Variants in IL18RAP observed in about 807,000 individuals in gnomAD.
IL18RAP encodes the protein interleukin 18 receptor accessory protein.
In IL18RAP, 37 loss-of-function variants were observed where a neutral mutation model predicts 58.1. That is an observed-to-expected ratio of 0.64 (90% CI 0.49 to 0.84). The LOEUF is 0.84. Ranked by LOEUF, IL18RAP falls within the 40% of genes least tolerant of loss-of-function variation. IL18RAP has a pLI of 0.00. For missense variants in IL18RAP, 667 were observed against 704.8 expected (o/e 0.95, Z 0.61); for synonymous variants, 268 against 257.5 (o/e 1.04, Z -0.39).
chr2:102,430,311 C>T (rs1398984297), intron 3 of IL18RAP, among the ~76,000 whole-genome samples: 1 of 151,908 alleles, frequency 6.6e-6, no homozygotes, highest in Non-Finnish European at 1.5e-5. Context: ...ATACAATGAT[C>T]TTTCTTGTTT....
intron 6 of IL18RAP, among the ~76,000 whole-genome samples, chr2:102,444,931 A>C (rs768982401): frequency 1.6e-4 from 25 of 152,178 alleles, no homozygotes; most frequent in Non-Finnish European, 1.6e-4. Context: ...ATCTATTCTC[A>C]AGGGGAATTC....
rs780192225 is a variant in IL18RAP, at chr2:102,424,252, T to C, written c.417T>C (p.Cys139=). 8 of 1,614,132 alleles carry C rather than the reference T, an allele frequency of 5.0e-6. No individual in the cohort carries two copies. Among genetic ancestry groups the C allele is most frequent in the Admixed American group, 1.7e-5 (1 of 60,016 alleles). ...KMIKSPYDVA[C]CVKMILEVKP... is the part of the protein sequence containing the mutation. ...CTAGGAGCCCCTATGATGTAGCCTG[T>C]TGTGTCAAGATGATTTTAGAAGTTA... Residue 139 remains cysteine (C), a synonymous_variant, in exon 3 of 10, where the codon TGT becomes TGC. Coordinates refer to ENST00000687160, the MANE Select transcript of IL18RAP (RefSeq NM_001393487.1).
chr2:102,445,279 C>A lies in IL18RAP; in HGVS notation c.1011C>A (p.Cys337Ter), dbSNP rs1683346342. The A allele has an allele frequency of 1.2e-6, 2 of 1,614,154 alleles. No individual in the cohort carries two copies. The highest frequency in any genetic ancestry group is 1.7e-6 in the Non-Finnish European group (2 of 1,180,012). The stretch of plus-strand genomic sequence containing the variant: ...GTGATCTTCGCAGGAAGTTTGTTTG[C>A]TTTGTCCAGAACTCCATTGGAAACA... ...TQRDLRRKFV[C>*]FVQNSIGNTT... The change falls in exon 7 of 10, where the codon TGC becomes TGA. Residue 337 changes from cysteine to a stop codon, truncating the protein, a stop_gained. Coordinates refer to ENST00000687160, the MANE Select transcript of IL18RAP (RefSeq NM_001393487.1). LOFTEE classifies it high-confidence loss of function.
upstream of IL18RAP, among the ~76,000 whole-genome samples, chr2:102,422,206 C>T (rs1444963418): frequency 1.3e-5 from 2 of 152,200 alleles, no homozygotes; most frequent in Non-Finnish European, 2.9e-5. Flanking sequence ...CTTTTCAGTC[C>T]TTCTCATGCC....
At chr2:102,419,469 G>A (rs1255038365), upstream of IL18RAP, 3 of 152,310 alleles carry the variant, frequency 2.0e-5, no homozygotes, top group Non-Finnish European at 4.4e-5. Context: ...TCAGATCCCT[G>A]TTGACACTGC....
intron 3 of IL18RAP, among the ~76,000 whole-genome samples, chr2:102,427,240 C>T (rs1043491819): frequency 2.0e-5 from 3 of 152,106 alleles, no homozygotes; most frequent in African/African-American, 7.2e-5. Context: ...CTTTGCCATA[C>T]TGATTTCAAT....
chr2:102,448,177 G>A (rs1350188362), intron 8 of IL18RAP, among the ~76,000 whole-genome samples: 1 of 152,242 alleles, frequency 6.6e-6, no homozygotes, highest in Admixed American at 6.5e-5. Context: ...CAGCCAGGTA[G>A]AGAGACAGGA....
chr2:102,422,099 C>G (rs757654006), upstream of IL18RAP, among the ~76,000 whole-genome samples: 1 of 152,172 alleles, frequency 6.6e-6, no homozygotes, highest in Admixed American at 6.5e-5. Flanking sequence ...CCCACATTCC[C>G]TCTACTCCTC....
chr2:102,433,100 G>A (rs1371793018), intron 3 of IL18RAP, among the ~76,000 whole-genome samples: 6 of 152,050 alleles, frequency 3.9e-5, no homozygotes, highest in Non-Finnish European at 5.9e-5. Context: ...CTGTTAGTAG[G>A]ACTTGCACCT....
intron 3 of IL18RAP, among the ~76,000 whole-genome samples, chr2:102,430,538 T>C (rs149858675): frequency 0.011 from 1,708 of 152,230 alleles, 31 homozygotes; most frequent in African/African-American, 0.038. Context: ...GATTAATCCA[T>C]TTACATTCAA....
intron 7 of IL18RAP, among the ~76,000 whole-genome samples, chr2:102,445,869 A>C (rs1683383094): frequency 6.6e-6 from 1 of 152,234 alleles, no homozygotes; most frequent in Admixed American, 6.5e-5. Flanking sequence ...AAAGCGTTTA[A>C]ATTTCTTTGA....
intron 4 of IL18RAP, 55 bp from the exon 5 acceptor site, chr2:102,441,257 A>G (rs11465701): frequency 0.031 from 42,488 of 1,373,396 alleles, 787 homozygotes; most frequent in Middle Eastern, 0.088. Context: ...AATCTTCATC[A>G]AGCAGGCCTT....
rs368953178 is a variant in IL18RAP at position 102,423,354 on chromosome 2, G to A, written c.70+7G>A. ...AAAGGATTTAATATTTCAGGTAGGG[G>A]TTTTCACTTTTCATGTTAGCACTGT... On this transcript the variant is annotated splice_region_variant and intron_variant, in intron 1 of 9. Transcript: ENST00000687160. 103 of 1,612,654 alleles carry A rather than the reference G, an allele frequency of 6.4e-5. No homozygotes were observed. The African/African-American group carries it at 1.2e-3, about 19-fold the overall frequency.
chr2:102,433,291 C>T (rs1013707825), intron 3 of IL18RAP, among the ~76,000 whole-genome samples: 1 of 152,188 alleles, frequency 6.6e-6, no homozygotes, highest in African/African-American at 2.4e-5. Flanking sequence ...GGTGTAATCA[C>T]AGCTCCCTGC....
At chr2:102,433,333 C>T (rs1682516238) in intron 3 of IL18RAP, among the ~76,000 whole-genome samples, 1 of 152,188 alleles carries the variant, frequency 6.6e-6, no homozygotes, top group African/African-American at 2.4e-5. Context: ...AGTGATCCTC[C>T]AGCCTTAGCA....
chr2:102,426,796 G>A (rs1681975252), intron 3 of IL18RAP, among the ~76,000 whole-genome samples: 1 of 152,030 alleles, frequency 6.6e-6, no homozygotes, highest in Non-Finnish European at 1.5e-5. Context: ...TTTGAAATGT[G>A]CAATACAATA....
Position 102,451,005 on chromosome 2 carries a change from T to A in IL18RAP, c.1368T>A (p.Asp456Glu). The A allele has an allele frequency of 6.2e-7, 1 of 1,601,500 alleles. No individual in the cohort carries two copies. Among genetic ancestry groups the A allele is most frequent in the Non-Finnish European group, 8.5e-7 (1 of 1,175,122 alleles). The change falls in exon 9 of 10, where the codon GAT (aspartate) becomes GAA (glutamate). Residue 456 changes from aspartate to glutamate, a missense_variant. Coordinates refer to ENST00000687160, the MANE Select transcript of IL18RAP (RefSeq NM_001393487.1). ...ATAGCCTGTGTTTGCTTGAAAGAGA[T>A]GTGGCTCCAGGAGGAGGTAAGTCCA... ...YGYSLCLLER[D>E]VAPGGVYAED...
chr2:102,438,205 T>A (rs2104349359), intron 4 of IL18RAP, among the ~76,000 whole-genome samples: 1 of 152,338 alleles, frequency 6.6e-6, no homozygotes, highest in African/African-American at 2.4e-5. Context: ...TCTGCAAGCA[T>A]CAGCTTGAAT....
chr2:102,431,886 G>A (rs1282100447), intron 3 of IL18RAP, among the ~76,000 whole-genome samples: 4 of 151,854 alleles, frequency 2.6e-5, no homozygotes, highest in Non-Finnish European at 4.4e-5. Flanking sequence ...ACTACTTTAA[G>A]AGGATTATTC....
Sources: allele counts gnomAD v4.1 joint callset (sites outside exome capture counted in the v4.1 genomes callset), GRCh38; gene constraint gnomAD v4.1.1; transcripts MANE v1.5; gene names NCBI Gene and HGNC (gene_info 2026-07-23, HGNC 2026-07-21).